Variants in USP14 observed in about 807,000 individuals in gnomAD.
USP14 encodes the protein ubiquitin specific peptidase 14.
Under a neutral mutation model 76.5 loss-of-function variants are expected in USP14, and 38 were observed. The observed-to-expected ratio is 0.50, with a 90% CI of 0.38 to 0.65. The LOEUF is 0.65. Ranked by LOEUF, USP14 falls within the 30% of genes least tolerant of loss-of-function variation. The pLI is 0.00. For missense variants in USP14, 467 were observed against 586.5 expected, an observed-to-expected ratio of 0.80 and a Z score of 2.10; for synonymous variants, 192 against 191.7, an observed-to-expected ratio of 1.00 and a Z score of -0.01.
intron 9 of USP14, 93 bp downstream of exon 9, chr18:198,225 A>C: frequency 8.7e-7 from 1 of 1,149,396 alleles, no homozygotes; most frequent in South Asian, 2.1e-5. Context: ...GGTGGGTAGA[A>C]GAAAAATTCT....
chr18:163,634 C>G (rs555345209), intron 2 of USP14, among the ~76,000 whole-genome samples, 181 bp downstream of exon 2: 1 of 152,186 alleles, frequency 6.6e-6, no homozygotes, highest in South Asian at 2.1e-4. Context: ...AATATTGTAG[C>G]TGTTTGACAA....
chr18:167,918 C>G lies in USP14; in HGVS notation c.195+1099C>G, dbSNP rs1014861250. Among the ~76,000 whole-genome samples, 12 of 147,022 alleles carry G rather than the reference C, an allele frequency of 8.2e-5. 1 individual carries two copies. Among genetic ancestry groups the G allele is most frequent in the Non-Finnish European group, 1.5e-5 (1 of 66,812 alleles). ...TGTTCATGGCTAGAATGTAAAAATA[C>G]AATTGATTTTTCTCTCTTTTTTTTT... is the stretch of plus-strand genomic sequence containing the variant. On this transcript the variant is annotated intron_variant, in intron 3 of 15. Transcript: ENST00000261601.
At chr18:179,299 A>T (rs1487295246) in intron 4 of USP14, among the ~76,000 whole-genome samples, 1 of 152,086 alleles carries the variant, frequency 6.6e-6, no homozygotes, top group Non-Finnish European at 1.5e-5. Context: ...GAATTTACTT[A>T]GGCTTAACTT....
chr18:164,115 A>C (rs928608330), intron 2 of USP14, among the ~76,000 whole-genome samples: 3 of 152,230 alleles, frequency 2.0e-5, no homozygotes, highest in African/African-American at 7.2e-5. Flanking sequence ...AGGAGAGTGG[A>C]ACACTTTACA....
intron 5 of USP14, among the ~76,000 whole-genome samples, chr18:192,001 C>G (rs555843085): frequency 7.3e-6 from 1 of 137,514 alleles, no homozygotes; most frequent in Non-Finnish European, 1.5e-5. Flanking sequence ...GTTTGTTGTA[C>G]TGTTGTAAAT....
rs758985407 is a variant in USP14, at chr18:209,955, A to AT, written c.1165-9dup. On this transcript the variant is annotated splice_polypyrimidine_tract_variant and intron_variant, in intron 13 of 15. Transcript: ENST00000261601. ...CCAAAATCATGATTTAAAATTAAAC[A>AT]TTTTTTTCTCCTCAGAGTGACAAAA... is the stretch of plus-strand genomic sequence containing the variant. 7.0e-6 allele frequency: 11 copies of AT among 1,570,944 alleles called. No homozygotes were observed. The highest frequency in any genetic ancestry group is 1.2e-5 in the South Asian group (1 of 85,196).
At chr18:198,450 G>A (rs1910300825) in intron 9 of USP14, among the ~76,000 whole-genome samples, 1 of 152,044 alleles carries the variant, frequency 6.6e-6, no homozygotes, top group African/African-American at 2.4e-5. Flanking sequence ...TGGTCAGGCT[G>A]GTATTGAACT....
intron 5 of USP14, among the ~76,000 whole-genome samples, chr18:184,292 A>G (rs540775584): frequency 2.6e-5 from 4 of 152,334 alleles, no homozygotes; most frequent in Non-Finnish European, 4.4e-5. Flanking sequence ...CGTAATTGAT[A>G]CAAGATGTCA....
In USP14 at chr18:158,614, G is replaced by T; in HGVS notation, c.-85G>T. On this transcript the variant is annotated 5_prime_UTR_variant, in exon 1 of 16. Coordinates refer to ENST00000261601, the MANE Select transcript of USP14 (RefSeq NM_005151.4). Reference sequence around the variant, plus strand: ...CCACCGCGCCTCCGCCTCGGCCGCCGCCGCAGCTGCTCCTGGTCCCCGTCC... The same window carrying T: ...CCACCGCGCCTCCGCCTCGGCCGCCTCCGCAGCTGCTCCTGGTCCCCGTCC... The T allele has an allele frequency of 6.9e-7, 1 of 1,443,552 alleles. No individual in the cohort carries two copies. Among genetic ancestry groups the T allele is most frequent in the Non-Finnish European group, 9.2e-7 (1 of 1,081,880 alleles). 89.4% of individuals were successfully genotyped at this position (1,443,552 alleles called of 1,614,324 possible).
At chr18:207,136 G>C (rs1021323692) in intron 13 of USP14, among the ~76,000 whole-genome samples, 1 of 118,548 alleles carries the variant, frequency 8.4e-6, no homozygotes, top group African/African-American at 2.8e-5. Context: ...GTATTTATGA[G>C]TGTATTTCTA....
Position 214,620 on chromosome 18 carries a change from A to C in USP14, c.*3336A>C, listed in dbSNP as rs1484088864. The C allele has an allele frequency of 1.9e-6, 3 of 1,584,372 alleles. No homozygotes were observed. The highest frequency in any genetic ancestry group is 2.6e-6 in the Non-Finnish European group (3 of 1,167,150). On this transcript the variant is annotated 3_prime_UTR_variant, in exon 16 of 16. Coordinates refer to ENST00000261601, the MANE Select transcript of USP14 (RefSeq NM_005151.4). ...ACAGTTTTAATAAAAAGAAAAAAAA[A>C]AGAAGCTAACTATTTGTCTCATTGT...
At chr18:180,129 A>G in intron 4 of USP14, 107 bp from the exon 5 acceptor site, 1 of 549,880 alleles carries the variant, frequency 1.8e-6, no homozygotes, top group Non-Finnish European at 3.1e-6. Context: ...AGAAGCTAGT[A>G]AATGGTACTT....
intron 13 of USP14, among the ~76,000 whole-genome samples, chr18:205,302 C>G (rs532579616): frequency 6.6e-6 from 1 of 152,270 alleles, no homozygotes; most frequent in African/African-American, 2.4e-5. Flanking sequence ...ATACTTATCT[C>G]CTCAAAGTAC....
At position 211,336 on chromosome 18, in the gene USP14, T is replaced by C; in HGVS notation, c.*52T>C. On this transcript the variant is annotated 3_prime_UTR_variant, in exon 16 of 16. Transcript: ENST00000261601. ...TGTGAAAATAAATGTTATTTGTTGA[T>C]CATTTCTATAATCCAGAGCTTTAGA... The C allele has an allele frequency of 6.4e-7, 1 of 1,554,220 alleles. No homozygotes were observed. The highest frequency in any genetic ancestry group is 2.3e-5 in the East Asian group (1 of 43,936).
At chr18:198,286 G>A (rs1345884548) in intron 9 of USP14, among the ~76,000 whole-genome samples, 154 bp downstream of exon 9, 1 of 152,096 alleles carries the variant, frequency 6.6e-6, no homozygotes, top group East Asian at 1.9e-4. Flanking sequence ...CGCCCAGGCT[G>A]GATTGCAATG....
intron 15 of USP14, 75 bp downstream of exon 15, chr18:210,568 G>T: frequency 8.7e-7 from 1 of 1,155,808 alleles, no homozygotes; most frequent in South Asian, 1.9e-5. Flanking sequence ...TAGCAGTGTG[G>T]TTTTCAAACT....
chr18:208,499 T>C (rs1050331559), intron 13 of USP14, among the ~76,000 whole-genome samples: 6 of 152,170 alleles, frequency 3.9e-5, no homozygotes, highest in African/African-American at 1.4e-4. Context: ...TCTTATTTCC[T>C]TTATTCTGCT....
chr18:188,477 A>T (rs1909993444), intron 5 of USP14, among the ~76,000 whole-genome samples: 1 of 141,326 alleles, frequency 7.1e-6, no homozygotes, highest in Admixed American at 7.0e-5. Context: ...TGTTAGTAAG[A>T]CTGATTTATA....
rs759174879 is a variant in USP14, at chr18:180,356, T to C, written c.404+17T>C. 6.5e-7 allele frequency: 1 copy of C among 1,532,218 alleles called. No homozygotes were observed. The highest frequency in any genetic ancestry group is 8.9e-7 in the Non-Finnish European group (1 of 1,121,766). 94.9% of individuals were successfully genotyped at this position (1,532,218 alleles called of 1,614,324 possible). ...CCTTAAAAGGTAAGACTGCAGTCTT[T>C]TTTGGGTAAGGGATGTTCACATTTG... On this transcript the variant is annotated intron_variant, in intron 5 of 15. Coordinates refer to ENST00000261601, the MANE Select transcript of USP14 (RefSeq NM_005151.4).
Sources: allele counts gnomAD v4.1 joint callset (sites outside exome capture counted in the v4.1 genomes callset), GRCh38; gene constraint gnomAD v4.1.1; transcripts MANE v1.5; gene names NCBI Gene and HGNC (gene_info 2026-07-23, HGNC 2026-07-21).